PRKN: variants seen among roughly 807,000 people sequenced by gnomAD.
PRKN encodes the protein E3 ubiquitin-protein ligase parkin.
In PRKN, 56 loss-of-function variants were observed where a neutral mutation model predicts 59.5. The observed-to-expected ratio is 0.94, with a 90% CI of 0.76 to 1.18. The LOEUF is 1.18. Among genes scored for constraint, PRKN ranks in the 50% most tolerant of loss-of-function variants. The pLI is 0.00. For synonymous variants in PRKN, 250 were observed against 222.1 expected, an observed-to-expected ratio of 1.13 and a Z score of -1.12; for missense variants, 657 against 596.4, an observed-to-expected ratio of 1.10 and a Z score of -1.06.
chr6:162,303,327 T>C (rs1003444242), intron 2 of PRKN, among the ~76,000 whole-genome samples: 2 of 152,152 alleles, frequency 1.3e-5, no homozygotes, highest in Non-Finnish European at 2.9e-5. Flanking sequence ...ACAGCAAGTC[T>C]ATTCCCCCAA....
intron 1 of PRKN, among the ~76,000 whole-genome samples, chr6:162,671,393 C>T (rs553426921): frequency 1.3e-4 from 19 of 151,000 alleles, no homozygotes; most frequent in African/African-American, 4.6e-4. Flanking sequence ...CAGCTACTCA[C>T]GAGGCTGAGG....
chr6:161,721,668 C>A lies in PRKN; in HGVS notation c.871+64104G>T, dbSNP rs1191684265. On this transcript the variant is annotated intron_variant, in intron 7 of 11. Coordinates refer to ENST00000366898, the MANE Select transcript of PRKN (RefSeq NM_004562.3). ...GGCCCTCTTTGGTGGGCTCTGGGTC[C>A]CCCCCGTGCTGGGGCTGCGTGGATG... is the stretch of plus-strand genomic sequence containing the variant. Among the ~76,000 whole-genome samples the A allele has an allele frequency of 6.6e-5, 10 of 152,176 alleles. No homozygotes were observed. In the East Asian group the frequency reaches 1.9e-3, roughly 29 times the overall value.
chr6:162,524,992 T>A (rs1254044821), intron 1 of PRKN, among the ~76,000 whole-genome samples: 1 of 152,178 alleles, frequency 6.6e-6, no homozygotes, highest in Non-Finnish European at 1.5e-5. Context: ...TGACTGATCT[T>A]TCCTCAGAGA....
chr6:162,069,320 C>T (rs1006871623), intron 4 of PRKN, among the ~76,000 whole-genome samples: 9 of 152,236 alleles, frequency 5.9e-5, no homozygotes, highest in East Asian at 1.9e-4. Flanking sequence ...TTTCACCTCA[C>T]GCCATGATTC....
At chr6:161,895,570 TTATACACCCC>T (rs1777588723) in intron 6 of PRKN, among the ~76,000 whole-genome samples, 3 of 103,722 alleles carry the variant, frequency 2.9e-5, no homozygotes, top group East Asian at 4.0e-4. Flanking sequence ...CCACCTGCCG[TTATACACCCC>T]AGTGAGGCTT....
chr6:162,605,127 G>A (rs1163831232), intron 1 of PRKN, among the ~76,000 whole-genome samples: 4 of 151,922 alleles, frequency 2.6e-5, no homozygotes, highest in Non-Finnish European at 5.9e-5. Flanking sequence ...TTTACTTCTA[G>A]CTTAATATAA....
chr6:162,451,671 G>C (rs1252056892), intron 1 of PRKN, among the ~76,000 whole-genome samples: 1 of 152,046 alleles, frequency 6.6e-6, no homozygotes, highest in Non-Finnish European at 1.5e-5. Context: ...TACCCAAATG[G>C]AGATTAAAGA....
chr6:161,698,482 T>C (rs1306896930), intron 7 of PRKN, among the ~76,000 whole-genome samples: 1 of 152,174 alleles, frequency 6.6e-6, no homozygotes, highest in Non-Finnish European at 1.5e-5. Flanking sequence ...CTAAAGTTTA[T>C]GTGGAAGGGC....
intron 1 of PRKN, among the ~76,000 whole-genome samples, chr6:162,655,294 A>G (rs534428627): frequency 3.5e-4 from 53 of 152,312 alleles, no homozygotes; most frequent in Middle Eastern, 3.4e-3. Flanking sequence ...AGTATTTAAG[A>G]ATTTCCTTGG....
At chr6:161,757,833 ATCTCTCTCTC>A (rs748787015) in intron 7 of PRKN, among the ~76,000 whole-genome samples, 11 of 37,646 alleles carry the variant, frequency 2.9e-4, no homozygotes, top group South Asian at 6.8e-4. Context: ...GCAAAACTCC[ATCTCTCTCTC>A]TCTCTCTCTC....
rs530462460 is a variant in PRKN at position 161,800,243 on chromosome 6, G to T, written c.735-14335C>A. Among the ~76,000 whole-genome samples the T allele has an allele frequency of 3.9e-5, 6 of 152,202 alleles. No homozygotes were observed. The East Asian group carries it at 9.7e-4, about 25-fold the overall frequency. On this transcript the variant is annotated intron_variant, in intron 6 of 11. Transcript: ENST00000366898. The stretch of plus-strand genomic sequence containing the variant: ...CAGTGGAGAGGGAGAGGCAACGACA[G>T]GTAGACAATATGTTTGGGGCAATCG...
At position 161,397,852 on chromosome 6, in the gene PRKN, C is replaced by T. The variant is rs1007570614; in HGVS notation, c.1084-10975G>A. ...GCCAGGGAAAGTACTTTAGTGACCT[C>T]GGAGGCCATAATTTTGGTCCAATGG... On this transcript the variant is annotated intron_variant, in intron 9 of 11. Transcript: ENST00000366898. This position sits in a 1 kb window ranked among gnomAD's most constrained non-coding sequence, Gnocchi z 4.2. 6.6e-6 allele frequency among the ~76,000 whole-genome samples: 1 copy of T among 152,194 alleles called. No homozygotes were observed. Among genetic ancestry groups the T allele is most frequent in the Non-Finnish European group, 1.5e-5 (1 of 68,016 alleles).
intron 3 of PRKN, among the ~76,000 whole-genome samples, chr6:162,228,113 A>T (rs910344533): frequency 6.6e-6 from 1 of 152,186 alleles, no homozygotes; most frequent in African/African-American, 2.4e-5. Context: ...ACCTGGGCAT[A>T]AAGCAAATTA....
intron 6 of PRKN, among the ~76,000 whole-genome samples, chr6:161,959,872 T>G (rs531621192): frequency 6.6e-6 from 1 of 152,280 alleles, no homozygotes; most frequent in Non-Finnish European, 1.5e-5. Context: ...GAAATTAAAG[T>G]CACAGTGATT....
intron 3 of PRKN, among the ~76,000 whole-genome samples, chr6:162,226,491 C>T (rs1263916814): frequency 1.3e-5 from 2 of 152,140 alleles, no homozygotes; most frequent in East Asian, 1.9e-4. Flanking sequence ...TCTGCAAAGA[C>T]ATTTGGGAGG....
At chr6:162,427,209 G>A (rs1235541556) in intron 2 of PRKN, among the ~76,000 whole-genome samples, 1 of 152,186 alleles carries the variant, frequency 6.6e-6, no homozygotes, top group East Asian at 1.9e-4. Flanking sequence ...ACGTTGGCGA[G>A]GATGTGAATA....
At chr6:161,939,968 G>A (rs1235879075) in intron 6 of PRKN, among the ~76,000 whole-genome samples, 3 of 151,454 alleles carry the variant, frequency 2.0e-5, no homozygotes, top group South Asian at 2.1e-4. Context: ...GCGCCATCTC[G>A]GCTCACCGCA....
chr6:162,333,935 C>T (rs138338681), intron 2 of PRKN, among the ~76,000 whole-genome samples: 6 of 152,270 alleles, frequency 3.9e-5, no homozygotes, highest in African/African-American at 7.2e-5. Context: ...CGAAAGCAAA[C>T]AGCCATATTG....
At chr6:161,827,171 C>T (rs1792280974) in intron 6 of PRKN, among the ~76,000 whole-genome samples, 1 of 152,308 alleles carries the variant, frequency 6.6e-6, no homozygotes, top group South Asian at 2.1e-4. Flanking sequence ...TACAACACCA[C>T]ATTTCTTCCC....
Sources: gnomAD v4.1 joint callset for allele counts (sites outside exome capture counted in the v4.1 genomes callset) on GRCh38, gnomAD v4.1.1 for gene constraint, Gnocchi (gnomAD v3.1) non-coding constraint, MANE v1.5 for transcripts, NCBI Gene and HGNC (gene_info 2026-07-23, HGNC 2026-07-21) for gene names.